Variants in USP34 observed in about 807,000 individuals in gnomAD.
The protein encoded by USP34 is ubiquitin carboxyl-terminal hydrolase 34.
Under a neutral mutation model 460.3 loss-of-function variants are expected in USP34, and 70 were observed. That is an observed-to-expected ratio of 0.15 (90% CI 0.13 to 0.19). The LOEUF is 0.19. USP34 is among the 10% of genes least tolerant of loss of function. USP34 has a pLI of 1.00. For missense variants in USP34, 3,985 were observed against 4,236.2 expected (o/e 0.94, Z 1.65); for synonymous variants, 1,647 against 1,405.3 (o/e 1.17, Z -3.85).
chr2:61,401,936 C>A (rs902591006), intron 3 of USP34, among the ~76,000 whole-genome samples: 2 of 150,576 alleles, frequency 1.3e-5, no homozygotes, highest in African/African-American at 4.9e-5. Flanking sequence ...CAGAATTACA[C>A]ATAATTATTC....
intron 1 of USP34, among the ~76,000 whole-genome samples, chr2:61,444,847 G>A (rs1298991664): frequency 3.3e-5 from 5 of 150,024 alleles, no homozygotes; most frequent in African/African-American, 7.4e-5. Flanking sequence ...CACCCCCTCC[G>A]TCTCTGTACA....
chr2:61,398,488 G>A (rs117568028), intron 3 of USP34, among the ~76,000 whole-genome samples: 373 of 119,236 alleles, frequency 3.1e-3, no homozygotes, highest in South Asian at 6.3e-3. Context: ...AGGCGGAAGC[G>A]GGGGAAGGAG....
Position 61,350,327 on chromosome 2 carries a change from A to G in USP34, c.1440T>C (p.Ala480=). The G allele has an allele frequency of 1.2e-6, 2 of 1,613,746 alleles. No individual in the cohort carries two copies. Among genetic ancestry groups the G allele is most frequent in the Non-Finnish European group, 8.5e-7 (1 of 1,179,800 alleles). Residue 480 remains alanine (A), a synonymous_variant, in exon 12 of 80, where the codon GCT becomes GCC. Coordinates refer to ENST00000398571, the MANE Select transcript of USP34 (RefSeq NM_014709.4). ...ALWNNALAAK[A]QLSKQSSFAS... is the part of the protein sequence containing the mutation. ...CAAAAGAACTCTGTTTAGATAACTG[A>G]GCCTTAGCTGCTAGTGCGTTATTCC...
chr2:61,437,044 G>C (rs1342096578), intron 1 of USP34, among the ~76,000 whole-genome samples: 2 of 152,180 alleles, frequency 1.3e-5, no homozygotes, highest in African/African-American at 4.8e-5. Flanking sequence ...AGCAAAAGCG[G>C]TGCACTGCTA....
rs1553353829 is a variant in USP34, at chr2:61,229,477, A to AAAC, written c.7199+70_7199+71insGTT. On this transcript the variant is annotated intron_variant, in intron 59 of 79. Transcript: ENST00000398571. The stretch of plus-strand genomic sequence containing the variant: ...TCTCTTAAAAAAAAAAAAAAAAAAC[A>AAAC]AAAAAAAAAAACAAAAACACCACAC... 110 of 674,014 alleles carry AAAC rather than the reference A, an allele frequency of 1.6e-4. 1 individual carries two copies. In the East Asian group the frequency reaches 4.0e-3, roughly 24 times the overall value. 41.8% of individuals were successfully genotyped at this position (674,014 alleles called of 1,614,324 possible).
At chr2:61,280,129 C>G in intron 39 of USP34, 115 bp downstream of exon 39, 1 of 556,470 alleles carries the variant, frequency 1.8e-6, no homozygotes, top group East Asian at 3.5e-5. Flanking sequence ...GACACCACCA[C>G]CAAGTTATAG....
At chr2:61,354,597 G>A (rs948253820) in intron 10 of USP34, among the ~76,000 whole-genome samples, 1 of 152,170 alleles carries the variant, frequency 6.6e-6, no homozygotes, top group Non-Finnish European at 1.5e-5. Context: ...TCAATGACCT[G>A]GTTAGCACTG....
chr2:61,339,187 T>A (rs1283923155), intron 18 of USP34, among the ~76,000 whole-genome samples, 164 bp downstream of exon 18: 1 of 152,190 alleles, frequency 6.6e-6, no homozygotes, highest in African/African-American at 2.4e-5. Flanking sequence ...TGAACCATGT[T>A]AAGAAGAAAC....
At chr2:61,315,573 C>A (rs1690718357) in intron 23 of USP34, among the ~76,000 whole-genome samples, 1 of 151,990 alleles carries the variant, frequency 6.6e-6, no homozygotes, top group Admixed American at 6.6e-5. Flanking sequence ...CAGGGTTTCA[C>A]CATGTTGGCC....
intron 53 of USP34, among the ~76,000 whole-genome samples, chr2:61,237,002 G>A (rs565027385): frequency 1.8e-3 from 270 of 152,100 alleles, no homozygotes; most frequent in South Asian, 0.013. Context: ...TTGGTTGGTC[G>A]GTTCATTTTG....
intron 21 of USP34, among the ~76,000 whole-genome samples, chr2:61,322,271 T>C (rs771350097): frequency 2.4e-4 from 36 of 151,954 alleles, no homozygotes; most frequent in Non-Finnish European, 4.9e-4. Context: ...AAAAGGACCC[T>C]TATGATGAAG....
chr2:61,425,535 C>A (rs1323057925), intron 1 of USP34, among the ~76,000 whole-genome samples: 1 of 152,082 alleles, frequency 6.6e-6, no homozygotes, highest in Non-Finnish European at 1.5e-5. Flanking sequence ...CCAGGTGACT[C>A]CCACCCAGGG....
intron 26 of USP34, 24 bp downstream of exon 26, chr2:61,311,760 T>G (rs1334757781): frequency 6.2e-7 from 1 of 1,610,678 alleles, no homozygotes; most frequent in Admixed American, 1.7e-5. Context: ...GTTATCAACT[T>G]CGAAATTAAA....
intron 34 of USP34, among the ~76,000 whole-genome samples, chr2:61,287,577 T>G (rs1034045719): frequency 1.3e-5 from 2 of 152,188 alleles, no homozygotes; most frequent in African/African-American, 2.4e-5. Flanking sequence ...TACTTCCTGA[T>G]CAATGTGAAG....
intron 48 of USP34, among the ~76,000 whole-genome samples, chr2:61,251,958 A>C (rs1463717496): frequency 6.6e-6 from 1 of 151,818 alleles, no homozygotes; most frequent in Non-Finnish European, 1.5e-5. Flanking sequence ...TAAACATTTT[A>C]ATTTGTTTAA....
intron 16 of USP34, among the ~76,000 whole-genome samples, chr2:61,341,587 C>A (rs1691602405): frequency 1.3e-5 from 2 of 151,786 alleles, no homozygotes; most frequent in African/African-American, 4.8e-5. Context: ...CCCCCGTTTC[C>A]ACTTCTGCCA....
At chr2:61,406,558 G>A (rs1171632006) in intron 2 of USP34, among the ~76,000 whole-genome samples, 2 of 151,956 alleles carry the variant, frequency 1.3e-5, no homozygotes, top group African/African-American at 2.4e-5. Flanking sequence ...CACATTTTTA[G>A]ATTAATGTCC....
At chr2:61,280,887 G>T (rs1689517048) in intron 38 of USP34, among the ~76,000 whole-genome samples, 1 of 152,146 alleles carries the variant, frequency 6.6e-6, no homozygotes, top group Non-Finnish European at 1.5e-5. Flanking sequence ...CCACAGAGCT[G>T]AAATCAGTCT....
chr2:61,268,674 T>C (rs1422682347), intron 41 of USP34, among the ~76,000 whole-genome samples: 1 of 151,938 alleles, frequency 6.6e-6, no homozygotes, highest in African/African-American at 2.4e-5. Context: ...CAGAAGAAAT[T>C]CAATTTAAAA....
Sources: gnomAD v4.1 joint callset for allele counts (sites outside exome capture counted in the v4.1 genomes callset) on GRCh38, gnomAD v4.1.1 for gene constraint, MANE v1.5 for transcripts, NCBI Gene and HGNC (gene_info 2026-07-23, HGNC 2026-07-21) for gene names.